PDLIM5: variants seen among roughly 807,000 people sequenced by gnomAD.
The protein encoded by PDLIM5 is PDZ and LIM domain protein 5.
In PDLIM5, 34 loss-of-function variants were observed where a neutral mutation model predicts 64.2. The ratio of observed to expected loss-of-function variants is 0.53; its 90% CI spans 0.40 to 0.71. PDLIM5 has a LOEUF of 0.71. PDLIM5 is among the 30% of genes least tolerant of loss of function. The probability of loss-of-function intolerance (pLI) is 0.00; values close to 1 mark genes in which losing one functional copy is unlikely to be tolerated. For missense variants in PDLIM5, 683 were observed against 733.6 expected (o/e 0.93, Z 0.80); for synonymous variants, 253 against 269.1 (o/e 0.94, Z 0.59).
intron 7 of PDLIM5, among the ~76,000 whole-genome samples, chr4:94,594,783 G>C (rs373929192): frequency 1.3e-5 from 2 of 152,020 alleles, no homozygotes; most frequent in South Asian, 4.1e-4. Flanking sequence ...TTAGCAAAAG[G>C]ATATCTAAAA....
chr4:94,545,197 G>C (rs1732200719), intron 3 of PDLIM5, among the ~76,000 whole-genome samples: 1 of 152,174 alleles, frequency 6.6e-6, no homozygotes, highest in Admixed American at 6.5e-5. Context: ...TCGAATGTCT[G>C]TGATTTTCTT....
chr4:94,665,930 G>A lies in PDLIM5; in HGVS notation c.*1863G>A. Reference sequence around the variant, plus strand: ...TTATGTAGATACCACATGGAGACAGGGAAACAATTGTGGTAAAACTGTGGA... The same window carrying A: ...TTATGTAGATACCACATGGAGACAGAGAAACAATTGTGGTAAAACTGTGGA... On this transcript the variant is annotated 3_prime_UTR_variant, in exon 13 of 13. Coordinates refer to ENST00000317968, the MANE Select transcript of PDLIM5 (RefSeq NM_006457.5). 1.3e-6 allele frequency: 2 copies of A among 1,507,594 alleles called. No individual in the cohort carries two copies. The allele number at this position is 1,507,594 out of a possible 1,614,324, so 93.4% of individuals were successfully genotyped here.
intron 2 of PDLIM5, among the ~76,000 whole-genome samples, chr4:94,491,645 C>T (rs1726883546): frequency 6.6e-6 from 1 of 151,934 alleles, no homozygotes; most frequent in Non-Finnish European, 1.5e-5. Context: ...CATTTTATCA[C>T]CTCTGACTCA....
intron 8 of PDLIM5, 139 bp from the exon 9 acceptor site, chr4:94,640,137 C>G: frequency 4.4e-6 from 2 of 452,198 alleles, no homozygotes; most frequent in East Asian, 6.9e-5. Flanking sequence ...GTGTTTGATT[C>G]ATAACCTCAC....
intron 7 of PDLIM5, among the ~76,000 whole-genome samples, chr4:94,603,222 T>A (rs1486955482): frequency 6.6e-6 from 1 of 152,184 alleles, no homozygotes; most frequent in South Asian, 2.1e-4. Context: ...GTTGCAAGGT[T>A]TTAATCAAAA....
intron 7 of PDLIM5, among the ~76,000 whole-genome samples, chr4:94,593,579 C>G (rs923655234): frequency 3.3e-5 from 5 of 152,096 alleles, no homozygotes; most frequent in South Asian, 2.1e-4. Flanking sequence ...GGGGTCTCTT[C>G]TTCTCATGAG....
intron 3 of PDLIM5, among the ~76,000 whole-genome samples, chr4:94,563,718 G>C (rs894854560): frequency 6.6e-6 from 1 of 152,102 alleles, no homozygotes; most frequent in African/African-American, 2.4e-5. Context: ...ACCTCAAATA[G>C]CATGTCTCAT....
Position 94,575,948 on chromosome 4 carries a change from A to G in PDLIM5, c.624A>G (p.Thr208=). The change falls in exon 5 of 13, where the codon ACA becomes ACG. Residue 208 remains threonine, a synonymous_variant. Transcript: ENST00000317968. The stretch of plus-strand genomic sequence containing the variant: ...CAGTTAATGTCCCACGGCAGCCCAC[A>G]GTCACCAGCGTGTGTTCCGAGACTT... ...KTAVNVPRQP[T]VTSVCSETSQ... is the part of the protein sequence containing the mutation. 2 of 1,614,162 alleles carry G rather than the reference A, an allele frequency of 1.2e-6. No homozygotes were observed. Among genetic ancestry groups the G allele is most frequent in the South Asian group, 2.2e-5 (2 of 91,086 alleles).
intron 3 of PDLIM5, among the ~76,000 whole-genome samples, chr4:94,551,719 G>C (rs1262016145): frequency 6.6e-6 from 1 of 152,074 alleles, no homozygotes; most frequent in East Asian, 1.9e-4. Flanking sequence ...ATACACATGA[G>C]AAATTAAATT....
At chr4:94,516,867 C>G (rs1254178664) in intron 2 of PDLIM5, among the ~76,000 whole-genome samples, 2 of 152,102 alleles carry the variant, frequency 1.3e-5, no homozygotes, top group African/African-American at 4.8e-5. Context: ...TTACATTAGA[C>G]ACATAAACCA....
At chr4:94,465,375 C>G (rs1319337163) in intron 2 of PDLIM5, among the ~76,000 whole-genome samples, 2 of 152,088 alleles carry the variant, frequency 1.3e-5, no homozygotes, top group East Asian at 3.9e-4. Flanking sequence ...CATAACAGCC[C>G]CATGGGGAAG....
intron 11 of PDLIM5, among the ~76,000 whole-genome samples, chr4:94,661,914 A>C (rs11097434): frequency 2.6e-5 from 4 of 151,274 alleles, no homozygotes; most frequent in African/African-American, 9.7e-5. Flanking sequence ...TCCACCTCCC[A>C]GGTTCAAGCA....
chr4:94,617,799 A>G (rs1336840222), intron 7 of PDLIM5, among the ~76,000 whole-genome samples: 1 of 152,188 alleles, frequency 6.6e-6, no homozygotes, highest in East Asian at 1.9e-4. Flanking sequence ...TTTTCAAAGT[A>G]TGAAACAAAT....
intron 10 of PDLIM5, among the ~76,000 whole-genome samples, chr4:94,656,554 TTACATTATATACATTTATA>T (rs1337029814): frequency 4.7e-5 from 7 of 149,514 alleles, no homozygotes; most frequent in Admixed American, 1.3e-4. Flanking sequence ...TTATATTTTA[TTACATTATATACATTTATA>T]TACATTATAT....
intron 2 of PDLIM5, among the ~76,000 whole-genome samples, chr4:94,504,525 TCTG>T (rs1728218849): frequency 6.6e-6 from 1 of 152,200 alleles, no homozygotes; most frequent in Non-Finnish European, 1.5e-5. Context: ...GACCTCGTGA[TCTG>T]CCCGTCTTGG....
Position 94,557,191 on chromosome 4 carries a change from T to G in PDLIM5, c.249-16160T>G, listed in dbSNP as rs556566985. ...CTTTCCCCATTTCTTGTTTTTGTCA[T>G]GTTTGTCAAAGATCAGATGGTTGTA... On this transcript the variant is annotated intron_variant, in intron 3 of 12. Transcript: ENST00000317968. Among the ~76,000 whole-genome samples, 474 of 151,970 alleles carry G rather than the reference T, an allele frequency of 3.1e-3. 4 individuals carry two copies. The highest frequency in any genetic ancestry group is 0.01 in the African/African-American group (423 of 41,288).
chr4:94,657,394 C>CT (rs1272303341), intron 10 of PDLIM5, 33 bp from the exon 11 acceptor site: 5 of 1,481,352 alleles, frequency 3.4e-6, no homozygotes, highest in South Asian at 1.1e-5. Flanking sequence ...TTGTCATCTT[C>CT]TTTTTTTACA....
intron 3 of PDLIM5, among the ~76,000 whole-genome samples, chr4:94,532,596 G>A (rs993846859): frequency 2.0e-5 from 3 of 152,160 alleles, no homozygotes; most frequent in Admixed American, 6.5e-5. Context: ...GGTGGCAGAC[G>A]CAGTTTGTCA....
chr4:94,532,181 C>G (rs1258309861), intron 3 of PDLIM5, among the ~76,000 whole-genome samples: 3 of 152,182 alleles, frequency 2.0e-5, no homozygotes, highest in Non-Finnish European at 4.4e-5. Flanking sequence ...GCCACAACTA[C>G]TACTTGAGAT....
Sources: allele counts gnomAD v4.1 joint callset (sites outside exome capture counted in the v4.1 genomes callset), GRCh38; gene constraint gnomAD v4.1.1; transcripts MANE v1.5; gene names NCBI Gene and HGNC (gene_info 2026-07-23, HGNC 2026-07-21).